Variants in OSBPL3 observed in about 807,000 individuals in gnomAD.
The protein encoded by OSBPL3 is oxysterol-binding protein-related protein 3.
A neutral mutation model predicts 120.1 loss-of-function variants in OSBPL3; 65 were observed. The observed-to-expected ratio is 0.54, with a 90% CI of 0.44 to 0.67. The LOEUF (loss-of-function observed/expected upper bound fraction) is 0.67. Ranked by LOEUF, OSBPL3 falls within the 30% of genes least tolerant of loss-of-function variation. The pLI is 0.00. For synonymous variants in OSBPL3, 416 were observed against 402.6 expected (o/e 1.03, Z -0.40); for missense variants, 1,004 against 1,082.1 (o/e 0.93, Z 1.01).
At position 24,803,881 on chromosome 7, in the gene OSBPL3, A is replaced by G. The variant is rs987839024; in HGVS notation, c.2567+434T>C. The stretch of plus-strand genomic sequence containing the variant: ...CTGGAACTTCTACAATGCAAGAAAC[A>G]GACTGCTTGGAATTTCCATACTGCT... On this transcript the variant is annotated intron_variant, in intron 22 of 22. Transcript: ENST00000313367. This position sits in a 1 kb window ranked among gnomAD's most constrained non-coding sequence, Gnocchi z 4.2. 1.3e-4 allele frequency among the ~76,000 whole-genome samples: 20 copies of G among 152,222 alleles called. No homozygotes were observed. Among genetic ancestry groups the G allele is most frequent in the African/African-American group, 4.3e-4 (18 of 41,458 alleles).
At chr7:24,979,237 G>A (rs1038829399) in intron 1 of OSBPL3, among the ~76,000 whole-genome samples, 1 of 151,934 alleles carries the variant, frequency 6.6e-6, no homozygotes, top group Admixed American at 6.5e-5. Flanking sequence ...ACACTGAGAC[G>A]AGAGTTAGGG....
chr7:24,844,479 A>C (rs1798158644), intron 12 of OSBPL3, among the ~76,000 whole-genome samples: 1 of 152,186 alleles, frequency 6.6e-6, no homozygotes, highest in Non-Finnish European at 1.5e-5. Context: ...AGAAGCCAAA[A>C]GATTGGAAAC....
chr7:24,838,501 A>G (rs1047694221), intron 14 of OSBPL3, among the ~76,000 whole-genome samples: 1 of 152,184 alleles, frequency 6.6e-6, no homozygotes, highest in Admixed American at 6.5e-5. Context: ...GTCTTCATAC[A>G]CAAAAAAGGG....
rs1806227771 is a variant in OSBPL3, at chr7:24,896,999, GA to G, written c.-149-4379del. Among the ~76,000 whole-genome samples, 1 of 151,672 alleles carries G rather than the reference GA, an allele frequency of 6.6e-6. No homozygotes were observed. The highest frequency in any genetic ancestry group is 2.1e-4 in the South Asian group (1 of 4,764). ...AGGCAGGAGAACTGCTTGAACCTGG[GA>G]GGCAGAGGTTGCAGTGAACTGAGAT... On this transcript the variant is annotated intron_variant, in intron 1 of 22. Transcript: ENST00000313367. This position sits in a 1 kb window ranked among gnomAD's most constrained non-coding sequence, Gnocchi z 4.4.
At chr7:24,839,697 G>C (rs1390904953) in intron 14 of OSBPL3, among the ~76,000 whole-genome samples, 1 of 152,108 alleles carries the variant, frequency 6.6e-6, no homozygotes, top group Admixed American at 6.5e-5. Flanking sequence ...GAGTGCAAAA[G>C]GGATATCTGG....
At chr7:24,837,759 G>A (rs1797189224) in intron 14 of OSBPL3, among the ~76,000 whole-genome samples, 1 of 152,194 alleles carries the variant, frequency 6.6e-6, no homozygotes, top group Non-Finnish European at 1.5e-5. Context: ...TGAAGAAAAT[G>A]AGGCATAGAG....
chr7:24,834,696 T>C lies in OSBPL3; in HGVS notation c.1536A>G (p.Arg512=), dbSNP rs1796791852. ...LDSGREAKSR[R]RTCLPAPCPS... ...GGCAGGGCGCCGGCAGGCACGTTCT[T>C]CTCCGGGACTTCGCTTCCCGACCAC... Residue 512 remains arginine, a synonymous_variant, in exon 15 of 23, where the codon AGA becomes AGG. Transcript: ENST00000313367. The surrounding 1 kb of genome is among the most constrained non-coding windows in gnomAD (Gnocchi z 5.2). The C allele has an allele frequency of 6.2e-7, 1 of 1,613,636 alleles. No individual in the cohort carries two copies. Among genetic ancestry groups the C allele is most frequent in the South Asian group, 1.1e-5 (1 of 91,048 alleles).
Position 24,800,011 on chromosome 7 carries a change from G to A in OSBPL3, c.*172C>T. 2.5e-6 allele frequency: 1 copy of A among 395,646 alleles called. No homozygotes were observed. The allele number at this position is 395,646 out of a possible 1,614,324, so 24.5% of individuals were successfully genotyped here. On this transcript the variant is annotated 3_prime_UTR_variant, in exon 23 of 23. Transcript: ENST00000313367. ...CATATAAACAATCAGGGTAACATTT[G>A]AAATTGTAAAGAAACGCACTGAGGA...
In OSBPL3 at chr7:24,938,771, T is replaced by C. The variant is rs757657536; in HGVS notation, c.-150+41115A>G. On this transcript the variant is annotated intron_variant, in intron 1 of 22. Transcript: ENST00000313367. The surrounding 1 kb of genome is among the most constrained non-coding windows in gnomAD (Gnocchi z 5.8). The stretch of plus-strand genomic sequence containing the variant: ...GCAAGGAAAACTGAATAATGAGGTT[T>C]TGTTTTGATGTGTGTGTGTGTGTGT... 2.2e-5 allele frequency among the ~76,000 whole-genome samples: 3 copies of C among 134,104 alleles called. No individual in the cohort carries two copies. The highest frequency in any genetic ancestry group is 7.9e-5 in the Admixed American group (1 of 12,706). 88.0% of individuals were successfully genotyped at this position (134,104 alleles called of 152,430 possible). A position where few individuals can be genotyped will look rare whatever the true frequency, so the allele number is the denominator to read the frequency against.
rs1385013341 is a variant in OSBPL3, at chr7:24,835,899, G to A, written c.1496-1163C>T. Among the ~76,000 whole-genome samples the A allele has an allele frequency of 6.6e-6, 1 of 151,904 alleles. No individual in the cohort carries two copies. The highest frequency in any genetic ancestry group is 2.4e-5 in the African/African-American group (1 of 41,344). On this transcript the variant is annotated intron_variant, in intron 14 of 22. Coordinates refer to ENST00000313367, the MANE Select transcript of OSBPL3 (RefSeq NM_015550.4). The surrounding 1 kb of genome is among the most constrained non-coding windows in gnomAD (Gnocchi z 4.8). ...TAAAGAAGGGAACCATAGACACCAG[G>A]GCCTACTGGAATGTGGAGAGTGGGT...
chr7:24,810,122 T>C, intron 19 of OSBPL3, 171 bp from the exon 20 acceptor site: 1 of 628,374 alleles, frequency 1.6e-6, no homozygotes, highest in South Asian at 2.0e-5. Context: ...AAAATTTATA[T>C]ATTTATCATG....
chr7:24,807,837 C>T (rs993963088), intron 20 of OSBPL3, among the ~76,000 whole-genome samples: 1 of 152,146 alleles, frequency 6.6e-6, no homozygotes, highest in Non-Finnish European at 1.5e-5. Context: ...CTAAGATCTA[C>T]TTACAGCCTA....
At chr7:24,927,539 A>T (rs1007911396) in intron 1 of OSBPL3, among the ~76,000 whole-genome samples, 12 of 152,212 alleles carry the variant, frequency 7.9e-5, no homozygotes, top group Non-Finnish European at 1.5e-5. Flanking sequence ...GCTCTCAATG[A>T]TTCCCATGAT....
chr7:24,850,196 A>G (rs867325366), intron 11 of OSBPL3, among the ~76,000 whole-genome samples: 5 of 152,178 alleles, frequency 3.3e-5, no homozygotes, highest in South Asian at 2.1e-4. Flanking sequence ...GGCCTCCTTT[A>G]TATTTCCCTG....
At chr7:24,974,194 G>C (rs1817327686) in intron 1 of OSBPL3, among the ~76,000 whole-genome samples, 1 of 152,196 alleles carries the variant, frequency 6.6e-6, no homozygotes, top group South Asian at 2.1e-4. Flanking sequence ...AGCACAGATA[G>C]AGAATTCATC....
At chr7:24,950,488 C>G (rs999525737) in intron 1 of OSBPL3, among the ~76,000 whole-genome samples, 2 of 151,536 alleles carry the variant, frequency 1.3e-5, no homozygotes. Flanking sequence ...TTTGGGAGGC[C>G]GAGGCGGGCG....
intron 1 of OSBPL3, among the ~76,000 whole-genome samples, chr7:24,945,612 C>T (rs145536209): frequency 6.6e-5 from 10 of 152,244 alleles, no homozygotes; most frequent in South Asian, 4.1e-4. Flanking sequence ...CACTCTGATA[C>T]GGTGAAATGA....
chr7:24,806,715 A>T lies in OSBPL3; in HGVS notation c.2444+61T>A, dbSNP rs1037918666. 1.3e-5 allele frequency: 20 copies of T among 1,539,926 alleles called. No homozygotes were observed. In the Admixed American group the frequency reaches 3.7e-4, roughly 29 times the overall value. ...GCCTCTGGTGGCCTAAGGATTGTTA[A>T]TAAGACTTTTTGTAAAGGGTTTTAC... On this transcript the variant is annotated intron_variant, in intron 21 of 22. Coordinates refer to ENST00000313367, the MANE Select transcript of OSBPL3 (RefSeq NM_015550.4). This position sits in a 1 kb window ranked among gnomAD's most constrained non-coding sequence, Gnocchi z 5.2.
chr7:24,828,648 A>G (rs1196878812), intron 16 of OSBPL3, among the ~76,000 whole-genome samples: 1 of 150,608 alleles, frequency 6.6e-6, no homozygotes, highest in South Asian at 2.1e-4. Context: ...GCATCGTAGA[A>G]GTTCCCACTA....
Sources: allele counts gnomAD v4.1 joint callset (sites outside exome capture counted in the v4.1 genomes callset), GRCh38; gene constraint gnomAD v4.1.1; non-coding constraint Gnocchi (gnomAD v3.1); transcripts MANE v1.5; gene names NCBI Gene and HGNC (gene_info 2026-07-23, HGNC 2026-07-21).